The following RBFOX1 variants were observed in gnomAD, a reference collection of about 807,000 sequenced individuals.
RBFOX1 encodes RNA binding protein fox-1 homolog 1.
In RBFOX1, 8 loss-of-function variants were observed where a neutral mutation model predicts 57.7. The ratio of observed to expected loss-of-function variants is 0.14; its 90% CI spans 0.08 to 0.25. RBFOX1 has a LOEUF of 0.25. Among genes scored for constraint, RBFOX1 ranks in the 10% least tolerant of loss-of-function variants. The pLI is 1.00. For missense variants in RBFOX1, 611 were observed against 548.5 expected (o/e 1.11, Z -1.14); for synonymous variants, 326 against 222.4 (o/e 1.47, Z -4.15).
chr16:7,381,811 T>G (rs1162396273), intron 4 of RBFOX1, among the ~76,000 whole-genome samples: 1 of 152,170 alleles, frequency 6.6e-6, no homozygotes, highest in East Asian at 1.9e-4. Flanking sequence ...GTGTGGACGC[T>G]GGGCTGGATC....
rs545581194 is a variant in RBFOX1 at position 6,225,349 on chromosome 16, C to T, written c.-126-91646C>T. On this transcript the variant is annotated intron_variant, in intron 1 of 15. Transcript: ENST00000550418. ...TTGCGTATCTTCTAAAAAATGTGCC[C>T]ACATCCTCCCGGTTTGCCTTGGGAA... is the stretch of plus-strand genomic sequence containing the variant. Among the ~76,000 whole-genome samples the T allele has an allele frequency of 7.2e-5, 11 of 152,228 alleles. No homozygotes were observed. The East Asian group carries it at 1.4e-3, about 19-fold the overall frequency.
rs538989156 is a variant in RBFOX1, at chr16:6,490,427, A to C, written c.-63-164176A>C. On this transcript the variant is annotated intron_variant, in intron 2 of 15. Coordinates refer to ENST00000550418, the MANE Select transcript of RBFOX1 (RefSeq NM_018723.4). Reference sequence around the variant, plus strand: ...ATGGGTTTGTACTTGAAAATGTCTCACATCTCGAATACAAGCCACCGTGGT... The same window carrying C: ...ATGGGTTTGTACTTGAAAATGTCTCCCATCTCGAATACAAGCCACCGTGGT... 5.9e-5 allele frequency among the ~76,000 whole-genome samples: 9 copies of C among 152,298 alleles called. No individual in the cohort carries two copies. The East Asian group carries it at 1.5e-3, about 26-fold the overall frequency.
At chr16:6,553,019 G>C (rs1451375464) in intron 2 of RBFOX1, among the ~76,000 whole-genome samples, 1 of 152,064 alleles carries the variant, frequency 6.6e-6, no homozygotes, top group East Asian at 1.9e-4. Flanking sequence ...CTGAGGACTG[G>C]CTTTTATTAT....
chr16:7,571,855 G>C (rs978585462), intron 5 of RBFOX1, among the ~76,000 whole-genome samples: 1 of 152,156 alleles, frequency 6.6e-6, no homozygotes, highest in Non-Finnish European at 1.5e-5. Context: ...TAGGCCCGGC[G>C]CCGTGGCTCA....
At chr16:7,661,003 G>A (rs567328395) in intron 12 of RBFOX1, among the ~76,000 whole-genome samples, 4 of 152,208 alleles carry the variant, frequency 2.6e-5, no homozygotes, top group Admixed American at 6.5e-5. Flanking sequence ...TAAGGACTGA[G>A]TGGGATCATG....
At chr16:6,638,603 T>G (rs1159060408) in intron 2 of RBFOX1, among the ~76,000 whole-genome samples, 1 of 152,154 alleles carries the variant, frequency 6.6e-6, no homozygotes, top group Non-Finnish European at 1.5e-5. Context: ...TGAATGAAGG[T>G]GTGTACACAT....
At chr16:6,647,676 C>T (rs2098544942) in intron 2 of RBFOX1, among the ~76,000 whole-genome samples, 2 of 152,232 alleles carry the variant, frequency 1.3e-5, no homozygotes, top group South Asian at 2.1e-4. Flanking sequence ...ACATTCAGTC[C>T]ATCATACTAC....
intron 4 of RBFOX1, among the ~76,000 whole-genome samples, chr16:7,233,480 A>G (rs1567821367): frequency 6.6e-6 from 1 of 152,200 alleles, no homozygotes; most frequent in Non-Finnish European, 1.5e-5. Context: ...CATGGTAGAC[A>G]GCAGGCCGTC....
intron 3 of RBFOX1, among the ~76,000 whole-genome samples, chr16:6,730,695 C>A (rs1227404956): frequency 2.0e-5 from 3 of 152,198 alleles, no homozygotes; most frequent in African/African-American, 7.2e-5. Flanking sequence ...TGAAATGCCA[C>A]TGTCCAAACG....
At chr16:5,820,899 C>T (rs960150016) in intron 3 of RBFOX1, among the ~76,000 whole-genome samples, 1 of 152,158 alleles carries the variant, frequency 6.6e-6, no homozygotes, top group African/African-American at 2.4e-5. Context: ...GATGGTTTTC[C>T]CAACCTCAGG....
At chr16:6,377,265 C>T (rs1350449999) in intron 2 of RBFOX1, among the ~76,000 whole-genome samples, 63 of 144,878 alleles carry the variant, frequency 4.3e-4, no homozygotes, top group African/African-American at 1.6e-3. Context: ...CAGAGTGAGA[C>T]CCTGTCTCAA....
At chr16:5,290,040 A>G (rs1307728976) in intron 1 of RBFOX1, among the ~76,000 whole-genome samples, 1 of 152,262 alleles carries the variant, frequency 6.6e-6, no homozygotes, top group East Asian at 1.9e-4. Flanking sequence ...TTATTCAGTC[A>G]TCAAAAGGAA....
intron 1 of RBFOX1, among the ~76,000 whole-genome samples, chr16:5,371,300 G>T (rs1014896384): frequency 9.9e-5 from 15 of 152,200 alleles, no homozygotes; most frequent in African/African-American, 3.1e-4. Flanking sequence ...CTTAAGAAGG[G>T]CCCTCATCCA....
chr16:6,030,746 A>G (rs2095276255), intron 1 of RBFOX1, among the ~76,000 whole-genome samples: 2 of 152,210 alleles, frequency 1.3e-5, no homozygotes, highest in Non-Finnish European at 2.9e-5. Flanking sequence ...TTGAGTCCCA[A>G]CAGTGCAAAT....
chr16:7,636,788 T>C (rs969864410), intron 11 of RBFOX1, among the ~76,000 whole-genome samples: 4 of 152,142 alleles, frequency 2.6e-5, no homozygotes, highest in Non-Finnish European at 5.9e-5. Context: ...CTTCTTGGCT[T>C]ACAGATGGCC....
intron 14 of RBFOX1, among the ~76,000 whole-genome samples, chr16:7,681,793 C>T (rs935410976): frequency 6.6e-6 from 1 of 151,960 alleles, no homozygotes; most frequent in Non-Finnish European, 1.5e-5. Context: ...AGTACACATG[C>T]AAAGCAGACA....
Position 7,624,381 on chromosome 16 carries a change from G to A in RBFOX1, c.677-6222G>A, listed in dbSNP as rs189054662. Among the ~76,000 whole-genome samples, 139 of 152,308 alleles carry A rather than the reference G, an allele frequency of 9.1e-4. 1 individual carries two copies. The highest frequency in any genetic ancestry group is 3.2e-3 in the African/African-American group (132 of 41,566). On this transcript the variant is annotated intron_variant, in intron 10 of 15. Transcript: ENST00000550418. ...ATAATTATACTTATCTTAGTGAGCA[G>A]TGTGACTAATTATGTAGGCTAAGGT...
At chr16:6,690,624 G>A (rs2060068196) in intron 3 of RBFOX1, among the ~76,000 whole-genome samples, 3 of 152,096 alleles carry the variant, frequency 2.0e-5, no homozygotes, top group Non-Finnish European at 4.4e-5. Context: ...GGGATTGGTT[G>A]ATTCGTTGGC....
At chr16:6,932,568 G>A (rs2076736498) in intron 3 of RBFOX1, among the ~76,000 whole-genome samples, 1 of 152,096 alleles carries the variant, frequency 6.6e-6, no homozygotes, top group South Asian at 2.1e-4. Context: ...GTTAGTGCTG[G>A]CTGTAGGTCG....
Sources: allele counts gnomAD v4.1 joint callset (sites outside exome capture counted in the v4.1 genomes callset), GRCh38; gene constraint gnomAD v4.1.1; transcripts MANE v1.5; gene names NCBI Gene and HGNC (gene_info 2026-07-23, HGNC 2026-07-21).